Variants in CSGALNACT1 observed in about 807,000 individuals in gnomAD.
CSGALNACT1 encodes the protein chondroitin sulfate N-acetylgalactosaminyltransferase 1, also known as beta4GalNAcT-1.
Under a neutral mutation model 51.0 loss-of-function variants are expected in CSGALNACT1, and 52 were observed. The ratio of observed to expected loss-of-function variants is 1.02; its 90% CI spans 0.82 to 1.29. The LOEUF is 1.29. Ranked by LOEUF, CSGALNACT1 falls within the 50% of genes most tolerant of loss-of-function variation. The pLI is 0.00. For missense variants in CSGALNACT1, 935 were observed against 679.2 expected (o/e 1.38, Z -4.19); for synonymous variants, 341 against 254.4 (o/e 1.34, Z -3.24).
intron 1 of CSGALNACT1, among the ~76,000 whole-genome samples, chr8:19,697,117 T>C: frequency 6.6e-6 from 1 of 151,972 alleles, no homozygotes; most frequent in Non-Finnish European, 1.5e-5. Context: ...CATTGTCAGA[T>C]CTAGCAGGAG....
At chr8:19,448,363 C>G (rs2153791004) in intron 5 of CSGALNACT1, among the ~76,000 whole-genome samples, 1 of 152,256 alleles carries the variant, frequency 6.6e-6, no homozygotes, top group African/African-American at 2.4e-5. Flanking sequence ...TAGAACCAAT[C>G]AACCAGGTTT....
chr8:19,690,282 T>C lies in CSGALNACT1; in HGVS notation c.-297+67568A>G, dbSNP rs573047571. Among the ~76,000 whole-genome samples, 4 of 152,366 alleles carry C rather than the reference T, an allele frequency of 2.6e-5. No homozygotes were observed. The South Asian group carries it at 8.3e-4, about 32-fold the overall frequency. ...CAGAAGGCAACATTAACTGCATTTA[T>C]AGCCAAGTAATGCTATTTTAAAATC... is the stretch of plus-strand genomic sequence containing the variant. On this transcript the variant is annotated intron_variant, in intron 1 of 1. Transcript: ENST00000517494.
At chr8:19,721,512 A>G (rs576617982) in intron 1 of CSGALNACT1, among the ~76,000 whole-genome samples, 1 of 152,362 alleles carries the variant, frequency 6.6e-6, no homozygotes, top group Admixed American at 6.5e-5. Flanking sequence ...GAATAATCAT[A>G]AAGCCTGATG....
chr8:19,728,074 G>A (rs560105373), intron 1 of CSGALNACT1, among the ~76,000 whole-genome samples: 12 of 152,250 alleles, frequency 7.9e-5, no homozygotes, highest in African/African-American at 2.9e-4. Context: ...CAGGGACCAG[G>A]CTGCCAGGGC....
chr8:19,613,984 T>G (rs974153887), intron 1 of CSGALNACT1, among the ~76,000 whole-genome samples: 2 of 152,194 alleles, frequency 1.3e-5, no homozygotes, highest in African/African-American at 4.8e-5. Flanking sequence ...GAAAAACAGT[T>G]TCTACGATCA....
intron 3 of CSGALNACT1, among the ~76,000 whole-genome samples, chr8:19,514,367 T>C (rs1224911135): frequency 6.6e-6 from 1 of 150,780 alleles, no homozygotes; most frequent in Non-Finnish European, 1.5e-5. Context: ...GCCCTAGCAG[T>C]TTTGCTGCTT....
intron 4 of CSGALNACT1, among the ~76,000 whole-genome samples, chr8:19,474,869 GAAAAAAAAAA>G (rs10683237): frequency 1.2e-5 from 1 of 86,172 alleles, no homozygotes; most frequent in African/African-American, 4.7e-5. Flanking sequence ...CTCTGTCTCA[GAAAAAAAAAA>G]AAAAAAAGAA....
intron 3 of CSGALNACT1, among the ~76,000 whole-genome samples, chr8:19,559,569 A>G (rs891601498): frequency 6.6e-6 from 1 of 152,212 alleles, no homozygotes; most frequent in Non-Finnish European, 1.5e-5. Flanking sequence ...ATCCAAATAC[A>G]TTCACAGATA....
chr8:19,420,434 G>A lies in CSGALNACT1; in HGVS notation c.1038C>T (p.Phe346=), dbSNP rs1436047314. The A allele has an allele frequency of 1.9e-6, 3 of 1,614,194 alleles. No homozygotes were observed. The South Asian group carries it at 3.3e-5, about 18-fold the overall frequency. Reference sequence around the variant, plus strand: ...AGAGAAGGACGTTGCTTCCCTTCCAGAAGCGGGCTCCAACATCAAGTCCCT... The same window carrying A: ...AGAGAAGGACGTTGCTTCCCTTCCAAAAGCGGGCTCCAACATCAAGTCCCT... The change falls in exon 7 of 10, where the codon TTC becomes TTT. Residue 346 remains phenylalanine (F), a synonymous_variant. Coordinates refer to ENST00000454498, the Ensembl canonical transcript of CSGALNACT1.
intron 5 of CSGALNACT1, among the ~76,000 whole-genome samples, chr8:19,451,145 C>T (rs1338666073): frequency 6.6e-6 from 1 of 152,054 alleles, no homozygotes; most frequent in East Asian, 1.9e-4. Flanking sequence ...TAAATGAAGG[C>T]CCTTAGGGTC....
At chr8:19,669,980 CTTTTA>C (rs910905279) in intron 1 of CSGALNACT1, among the ~76,000 whole-genome samples, 6 of 152,126 alleles carry the variant, frequency 3.9e-5, no homozygotes, top group African/African-American at 1.2e-4. Flanking sequence ...TTTCCCATTT[CTTTTA>C]TATTTTATTA....
chr8:19,698,169 T>C (rs1048829423), intron 1 of CSGALNACT1, among the ~76,000 whole-genome samples: 1 of 152,164 alleles, frequency 6.6e-6, no homozygotes, highest in Non-Finnish European at 1.5e-5. Flanking sequence ...ATGCTCTTCA[T>C]ACAGATTTTT....
Position 19,491,682 on chromosome 8 carries a change from T to C in CSGALNACT1, c.634+13519A>G, listed in dbSNP as rs75542654. Among the ~76,000 whole-genome samples, 1,019 of 152,350 alleles carry C rather than the reference T, an allele frequency of 6.7e-3. 4 individuals are homozygous for C. The highest frequency in any genetic ancestry group is 0.011 in the Admixed American group (165 of 15,306). ...TCATGATGTTTGCTTGGGTTTAAGT[T>C]TCAGCAAGAATTTATGTCATGCTCA... On this transcript the variant is annotated intron_variant, in intron 4 of 9. Coordinates refer to ENST00000454498, the Ensembl canonical transcript of CSGALNACT1.
chr8:19,674,021 C>T (rs1480776469), intron 1 of CSGALNACT1, among the ~76,000 whole-genome samples: 2 of 152,180 alleles, frequency 1.3e-5, no homozygotes, highest in Admixed American at 1.3e-4. Flanking sequence ...TGGGAAGTGG[C>T]TCACACCTGT....
chr8:19,713,892 G>C (rs577530216), intron 1 of CSGALNACT1, among the ~76,000 whole-genome samples: 1 of 152,254 alleles, frequency 6.6e-6, no homozygotes, highest in Non-Finnish European at 1.5e-5. Flanking sequence ...GGAAGAAAGA[G>C]AGAAGCCAAG....
At chr8:19,517,339 C>G (rs1240734768) in intron 3 of CSGALNACT1, among the ~76,000 whole-genome samples, 1 of 152,068 alleles carries the variant, frequency 6.6e-6, no homozygotes, top group African/African-American at 2.4e-5. Context: ...GCTCGGGAGG[C>G]TGAGGCAGGA....
intron 3 of CSGALNACT1, among the ~76,000 whole-genome samples, chr8:19,517,562 G>C (rs374227641): frequency 6.6e-6 from 1 of 152,180 alleles, no homozygotes; most frequent in African/African-American, 2.4e-5. Context: ...AGACGTGCCC[G>C]AGAGTGGGTC....
chr8:19,682,829 C>T (rs562156167), upstream of CSGALNACT1: 16 of 435,736 alleles, frequency 3.7e-5, no homozygotes, highest in African/African-American at 3.0e-4. Context: ...CTATCCTGTT[C>T]TGCAATCAGG....
At chr8:19,456,028 C>G (rs983134595) in intron 5 of CSGALNACT1, among the ~76,000 whole-genome samples, 4 of 152,240 alleles carry the variant, frequency 2.6e-5, no homozygotes, top group African/African-American at 9.6e-5. Flanking sequence ...GATGAATCAG[C>G]TCAAGGCAAA....
Sources: gnomAD v4.1 joint callset for allele counts (sites outside exome capture counted in the v4.1 genomes callset) on GRCh38, gnomAD v4.1.1 for gene constraint, MANE v1.5 for transcripts, NCBI Gene and HGNC (gene_info 2026-07-23, HGNC 2026-07-21) for gene names.